SPATA31C1: variants seen among roughly 807,000 people sequenced by gnomAD.
SPATA31C1 encodes SPATA31 subfamily C member 1.
At chr9:87,920,942 C>G (rs1318884689) in exon 5 of SPATA31C1, 6 of 1,613,164 alleles carry the variant, frequency 3.7e-6, no homozygotes, top group Non-Finnish European at 4.2e-6. Context: ...TTATTTCATC[C>G]ACACCCCAAT....
exon 5 of SPATA31C1, chr9:87,922,980 A>C: frequency 2.4e-6 from 3 of 1,246,138 alleles, no homozygotes; most frequent in Non-Finnish European, 3.3e-6. Flanking sequence ...ATTTTTTGAG[A>C]CGATTTTTTC....
chr9:87,916,591 C>T (rs1828725478), intron 1 of SPATA31C1, among the ~76,000 whole-genome samples: 1 of 150,198 alleles, frequency 6.7e-6, no homozygotes, highest in South Asian at 2.2e-4. Flanking sequence ...GGGCTAAAGG[C>T]ATGAACCGAT....
At chr9:87,921,926 G>C in exon 5 of SPATA31C1, 1 of 1,612,078 alleles carries the variant, frequency 6.2e-7, no homozygotes, top group Non-Finnish European at 8.5e-7. Context: ...GGGTCCTCAA[G>C]CCCATTCAGT....
rs777708123 is a variant in SPATA31C1 at position 87,923,315 on chromosome 9, A to G, written n.3705A>G. On this transcript the variant is annotated non_coding_transcript_exon_variant, in exon 5 of 5. Coordinates refer to ENST00000420021, the Ensembl canonical transcript of SPATA31C1. Reference sequence around the variant, plus strand: ...AGAGTCGTCCCAACAGAGACAGACAAATCAGAGATCAGCAGCCCTTGAAAA... The same window carrying G: ...AGAGTCGTCCCAACAGAGACAGACAGATCAGAGATCAGCAGCCCTTGAAAA... The G allele has an allele frequency of 7.5e-6, 12 of 1,602,574 alleles. No homozygotes were observed. In the East Asian group the frequency reaches 2.2e-4, roughly 30 times the overall value.
At chr9:87,921,640 T>C (rs375592469) in exon 5 of SPATA31C1, 7 of 1,611,864 alleles carry the variant, frequency 4.3e-6, no homozygotes, top group Non-Finnish European at 3.4e-6. Flanking sequence ...AGGAATCATA[T>C]AGAAAACATC....
chr9:87,922,758 A>C, exon 5 of SPATA31C1: 1 of 1,606,590 alleles, frequency 6.2e-7, no homozygotes, highest in Non-Finnish European at 8.5e-7. Context: ...CTCATGCAAG[A>C]GCCAAAGCCC....
exon 5 of SPATA31C1, chr9:87,921,117 G>GA: frequency 1.2e-6 from 2 of 1,611,742 alleles, no homozygotes; most frequent in Non-Finnish European, 1.7e-6. Flanking sequence ...TCAGCACCCT[G>GA]AAAGGCCTTT....
chr9:87,919,004 A>T, intron 2 of SPATA31C1: 2 of 463,662 alleles, frequency 4.3e-6, no homozygotes, highest in East Asian at 6.4e-5. Flanking sequence ...TCTTGACCTC[A>T]GGTGATCCAC....
intron 2 of SPATA31C1, 49 bp from the exon 2 acceptor site, chr9:87,919,206 G>A (rs540328103): frequency 2.8e-5 from 44 of 1,580,362 alleles, no homozygotes; most frequent in Non-Finnish European, 3.5e-5. Flanking sequence ...GCGGCTGGGG[G>A]CAGAGAGGGA....
At chr9:87,921,338 G>C (rs1319671338) in exon 5 of SPATA31C1, 2 of 1,611,994 alleles carry the variant, frequency 1.2e-6, no homozygotes, top group East Asian at 2.2e-5. Context: ...ATCTGATGCA[G>C]CTTCAGGATG....
exon 5 of SPATA31C1, chr9:87,923,097 G>GTCT (rs774477597): frequency 1.2e-6 from 2 of 1,602,714 alleles, no homozygotes; most frequent in East Asian, 4.5e-5. Context: ...GCTCATGACA[G>GTCT]CAGTTGGACA....
chr9:87,920,390 C>T, exon 5 of SPATA31C1: 1 of 1,613,996 alleles, frequency 6.2e-7, no homozygotes, highest in Non-Finnish European at 8.5e-7. Flanking sequence ...CTCCCATTGT[C>T]TCCCCGTTAG....
At chr9:87,920,162 C>T (rs1013119118) in intron 4 of SPATA31C1, 90 bp from the exon 4 acceptor site, 130 of 1,601,342 alleles carry the variant, frequency 8.1e-5, no homozygotes, top group African/African-American at 1.1e-4. Flanking sequence ...GAGGGTGTGG[C>T]GTGGTGGAGG....
chr9:87,919,131 A>G (rs1233158500), intron 2 of SPATA31C1, 124 bp from the exon 2 acceptor site: 2 of 1,418,308 alleles, frequency 1.4e-6, no homozygotes, highest in South Asian at 2.4e-5. Flanking sequence ...GTGGGAGGGG[A>G]GAAAGCACAC....
exon 5 of SPATA31C1, chr9:87,922,874 A>G (rs879050319): frequency 7.7e-5 from 123 of 1,605,192 alleles, no homozygotes; most frequent in African/African-American, 3.4e-4. Flanking sequence ...CCCCAGGCAG[A>G]AAAACAGAAG....
At chr9:87,921,993 T>A in exon 5 of SPATA31C1, 3 of 1,613,520 alleles carry the variant, frequency 1.9e-6, no homozygotes, top group Non-Finnish European at 1.7e-6. Context: ...TGGTCCCTCC[T>A]CAGACACCTG....
At chr9:87,921,540 G>T in exon 5 of SPATA31C1, 1 of 1,612,026 alleles carries the variant, frequency 6.2e-7, no homozygotes, top group Non-Finnish European at 8.5e-7. Context: ...CCCAGGGAAG[G>T]TTCTGGGGGC....
exon 5 of SPATA31C1, chr9:87,921,601 C>T (rs1456108905): frequency 3.7e-6 from 6 of 1,611,998 alleles, no homozygotes; most frequent in Non-Finnish European, 5.1e-6. Flanking sequence ...AGGAGTGACT[C>T]AGGAAGTGAT....
rs7033770 is a variant in SPATA31C1 at position 87,915,659 on chromosome 9, G to A, written n.189+949G>A. 2.3e-3 allele frequency among the ~76,000 whole-genome samples: 323 copies of A among 143,298 alleles called. 18 individuals carry two copies. The highest frequency in any genetic ancestry group is 7.9e-3 in the African/African-American group (312 of 39,408). The allele number at this position is 143,298 out of a possible 152,430, so 94.0% of individuals were successfully genotyped here. On this transcript the variant is annotated intron_variant and non_coding_transcript_variant, in intron 1 of 4. Transcript: ENST00000420021. ...GATTGAGGTTATTGTTTTGTCTATG[G>A]TATCTAACTGCTCCAGAACCACTGT...
Sources: gnomAD v4.1 joint callset for allele counts (sites outside exome capture counted in the v4.1 genomes callset) on GRCh38, gnomAD v4.1.1 for gene constraint, MANE v1.5 for transcripts, NCBI Gene and HGNC (gene_info 2026-07-23, HGNC 2026-07-21) for gene names.